Variants in NDE1 observed in about 807,000 individuals in gnomAD.
NDE1 encodes nuclear distribution protein nudE homolog 1.
NDE1 carries 28 observed loss-of-function variants against 43.4 expected under a neutral mutation model. The observed-to-expected ratio is 0.65, with a 90% CI of 0.48 to 0.89. The LOEUF is 0.89. Ranked by LOEUF, NDE1 falls within the 40% of genes least tolerant of loss-of-function variation. The probability of loss-of-function intolerance (pLI) is 0.00; values close to 1 mark genes in which losing one functional copy is unlikely to be tolerated. For missense variants in NDE1, 441 were observed against 434.1 expected, an observed-to-expected ratio of 1.02 and a Z score of -0.14; for synonymous variants, 184 against 172.0, an observed-to-expected ratio of 1.07 and a Z score of -0.55.
intron 1 of NDE1, among the ~76,000 whole-genome samples, chr16:15,664,295 G>A (rs1378178999): frequency 6.6e-6 from 1 of 152,066 alleles, no homozygotes. Flanking sequence ...ATTGTGTTTT[G>A]TTTGGGTTTA....
Position 15,718,648 on chromosome 16 carries a change from T to G in NDE1, c.948-5543T>G. 8.9e-6 allele frequency: 6 copies of G among 676,916 alleles called. No individual in the cohort carries two copies. In the South Asian group the frequency reaches 1.2e-4, roughly 13 times the overall value. The allele number at this position is 676,916 out of a possible 1,614,324, so 41.9% of individuals were successfully genotyped here. ...GGGTCCGTGTCAGCAAAGCTGGGAT[T>G]GGGATGGGGACCAGCACACTCCTCC... On this transcript the variant is annotated intron_variant, in intron 8 of 8. Transcript: ENST00000396354.
chr16:15,707,276 G>T (rs963252482), intron 8 of NDE1, among the ~76,000 whole-genome samples: 34 of 152,124 alleles, frequency 2.2e-4, no homozygotes, highest in African/African-American at 7.5e-4. Context: ...TTATCTGCCC[G>T]CCTCGGCCTC....
chr16:15,722,749 T>G (rs529407756), intron 8 of NDE1, among the ~76,000 whole-genome samples: 1 of 152,206 alleles, frequency 6.6e-6, no homozygotes, highest in South Asian at 2.1e-4. Context: ...CCTCATTTTA[T>G]TTATTTTTGA....
chr16:15,686,422 C>T (rs1265061129), intron 4 of NDE1: 1 of 985,224 alleles, frequency 1.0e-6, no homozygotes, highest in Non-Finnish European at 1.2e-6. Context: ...AGTGTTTATG[C>T]CCTTCACAAG....
chr16:15,676,731 A>G (rs986494664), intron 3 of NDE1, among the ~76,000 whole-genome samples: 3 of 152,032 alleles, frequency 2.0e-5, no homozygotes, highest in African/African-American at 7.2e-5. Flanking sequence ...TGGTGCCTTC[A>G]CAGCCCACTG....
chr16:15,670,387 G>T (rs1022345866), intron 3 of NDE1, among the ~76,000 whole-genome samples: 1 of 152,166 alleles, frequency 6.6e-6, no homozygotes, highest in Non-Finnish European at 1.5e-5. Flanking sequence ...GCTGGGTGCG[G>T]TGGCTCATGC....
intron 1 of NDE1, among the ~76,000 whole-genome samples, chr16:15,663,918 T>G (rs1259547413): frequency 1.3e-5 from 2 of 151,748 alleles, no homozygotes; most frequent in Non-Finnish European, 2.9e-5. Flanking sequence ...AATAGAAAAA[T>G]TAGCCAGGCG....
chr16:15,662,689 A>G (rs989006154), intron 1 of NDE1, among the ~76,000 whole-genome samples: 4 of 150,988 alleles, frequency 2.6e-5, no homozygotes, highest in Non-Finnish European at 5.9e-5. Flanking sequence ...TGATCCTCCC[A>G]TCTCAGCCTC....
chr16:15,689,633 G>A (rs1018695060), intron 5 of NDE1, among the ~76,000 whole-genome samples: 20 of 152,100 alleles, frequency 1.3e-4, no homozygotes, highest in African/African-American at 4.3e-4. Context: ...TATGTATAAA[G>A]TTTATGTTTG....
At chr16:15,686,236 G>C in intron 4 of NDE1, 2 of 394,138 alleles carry the variant, frequency 5.1e-6, no homozygotes, top group Non-Finnish European at 6.9e-6. Flanking sequence ...ACAGGCGTGA[G>C]CCACCGTGTC....
Position 15,719,354 on chromosome 16 carries a change from G to T in NDE1, c.948-4837G>T, listed in dbSNP as rs11646134. ...CTGTTGTCTGCCAGGGAAAGGCCAAGCCCCACCAAGAGTCCACCCTGACAA... is the reference window on the plus strand; with the variant it reads ...CTGTTGTCTGCCAGGGAAAGGCCAATCCCCACCAAGAGTCCACCCTGACAA... On this transcript the variant is annotated intron_variant, in intron 8 of 8. Coordinates refer to ENST00000396354, the MANE Select transcript of NDE1 (RefSeq NM_017668.3). The T allele has an allele frequency of 0.48, 767,588 of 1,588,244 alleles. 191,199 individuals carry two copies. Among genetic ancestry groups the T allele is most frequent in the Middle Eastern group, 0.6 (3,633 of 6,038 alleles).
At chr16:15,689,324 T>G (rs1014406015) in intron 5 of NDE1, among the ~76,000 whole-genome samples, 1 of 152,112 alleles carries the variant, frequency 6.6e-6, no homozygotes, top group Non-Finnish European at 1.5e-5. Context: ...ACCCCATCTC[T>G]ACAAAAATGA....
chr16:15,719,369 C>T (rs981292057), intron 8 of NDE1: 174 of 1,567,646 alleles, frequency 1.1e-4, no homozygotes, highest in Non-Finnish European at 1.4e-4. Flanking sequence ...ACCAAGAGTC[C>T]ACCCTGACAA....
chr16:15,707,886 C>T (rs1163696555), intron 8 of NDE1, among the ~76,000 whole-genome samples: 4 of 148,674 alleles, frequency 2.7e-5, no homozygotes, highest in Admixed American at 1.4e-4. Context: ...GTAGGAGAAT[C>T]GCTTGAACCC....
intron 1 of NDE1, among the ~76,000 whole-genome samples, chr16:15,650,810 T>C (rs1000966740): frequency 8.5e-5 from 13 of 152,174 alleles, no homozygotes; most frequent in African/African-American, 2.9e-4. Flanking sequence ...GACCCCTCGA[T>C]TGCAGCGTTG....
upstream of NDE1, among the ~76,000 whole-genome samples, chr16:15,645,739 C>G (rs374069265): frequency 1.3e-5 from 2 of 152,272 alleles, no homozygotes; most frequent in African/African-American, 4.8e-5. Flanking sequence ...CAGTTTTTCC[C>G]TTGTCCAAAT....
chr16:15,691,844 G>A (rs1001287115), intron 6 of NDE1, among the ~76,000 whole-genome samples: 1 of 151,744 alleles, frequency 6.6e-6, no homozygotes, highest in Non-Finnish European at 1.5e-5. Context: ...GCCCAGGCTG[G>A]TATCAAATTC....
intron 1 of NDE1, among the ~76,000 whole-genome samples, chr16:15,645,078 C>G (rs2036301346): frequency 6.6e-6 from 1 of 151,980 alleles, no homozygotes; most frequent in African/African-American, 2.4e-5. Flanking sequence ...CACCACCATG[C>G]CTGGCTAATT....
chr16:15,696,837 C>A lies in NDE1; in HGVS notation c.924C>A (p.Thr308=), dbSNP rs755841837. The stretch of plus-strand genomic sequence containing the variant: ...GCGGGGAGAGACGGCCAAGCAGCAC[C>A]AGCGTGCCTTTGGGTGATAAGGGGT... ...RDGGERRPSS[T]SVPLGDKGLD... is the part of the protein sequence containing the mutation. Residue 308 remains threonine (T), a synonymous_variant, in exon 8 of 9, where the codon ACC becomes ACA. Transcript: ENST00000396354. 3.7e-6 allele frequency: 6 copies of A among 1,614,068 alleles called. No individual in the cohort carries two copies. In the South Asian group the frequency reaches 5.5e-5, roughly 15 times the overall value.
Sources: allele counts gnomAD v4.1 joint callset (sites outside exome capture counted in the v4.1 genomes callset), GRCh38; gene constraint gnomAD v4.1.1; transcripts MANE v1.5; gene names NCBI Gene and HGNC (gene_info 2026-07-23, HGNC 2026-07-21).